DPP8: variants seen among roughly 807,000 people sequenced by gnomAD.
The protein encoded by DPP8 is dipeptidyl peptidase 8.
A neutral mutation model predicts 107.5 loss-of-function variants in DPP8; 31 were observed. The observed-to-expected ratio is 0.29, with a 90% CI of 0.22 to 0.39. The LOEUF is 0.39. DPP8 is among the 10% of genes least tolerant of loss of function. DPP8 has a pLI of 1.00. For missense variants in DPP8, 842 were observed against 1,076.1 expected (o/e 0.78, Z 3.04); for synonymous variants, 381 against 356.6 (o/e 1.07, Z -0.77).
chr15:65,449,043 A>G (rs2063768963), intron 19 of DPP8, among the ~76,000 whole-genome samples: 2 of 142,764 alleles, frequency 1.4e-5, no homozygotes, highest in Non-Finnish European at 1.5e-5. Flanking sequence ...CCCTGTCTCT[A>G]CTAAAAGTAC....
chr15:65,448,043 G>T (rs963967328), intron 19 of DPP8, among the ~76,000 whole-genome samples: 2 of 152,130 alleles, frequency 1.3e-5, no homozygotes, highest in African/African-American at 4.8e-5. Flanking sequence ...ACACTTTACT[G>T]TGACAGAGTA....
chr15:65,511,701 CCATACACACATA>C (rs1414030923), intron 2 of DPP8, among the ~76,000 whole-genome samples: 1 of 150,494 alleles, frequency 6.6e-6, no homozygotes, highest in Non-Finnish European at 1.5e-5. Context: ...TTTAATATCT[CCATACACACATA>C]CATACACACA....
intron 6 of DPP8, among the ~76,000 whole-genome samples, chr15:65,489,265 T>C (rs2067759417): frequency 6.6e-6 from 1 of 151,796 alleles, no homozygotes; most frequent in African/African-American, 2.4e-5. Context: ...AGCCAAGGTG[T>C]GGTATTTTTT....
At chr15:65,488,618 A>AAAC (rs2067678120) in intron 6 of DPP8, among the ~76,000 whole-genome samples, 1 of 151,160 alleles carries the variant, frequency 6.6e-6, no homozygotes, top group African/African-American at 2.4e-5. Context: ...AAAAAAAAAA[A>AAAC]AAAAAAAAAA....
Position 65,462,398 on chromosome 15 carries a change from T to C in DPP8, c.1971+1363A>G, listed in dbSNP as rs75531758. ...TTATTTTACTTTTTTTGTGTACAAT[T>C]TGGTATGTAGATACATTTCCAGATA... is the stretch of plus-strand genomic sequence containing the variant. On this transcript the variant is annotated intron_variant, in intron 15 of 19. Coordinates refer to ENST00000300141, the MANE Select transcript of DPP8 (RefSeq NM_130434.5). Among the ~76,000 whole-genome samples, 1,478 of 152,342 alleles carry C rather than the reference T, an allele frequency of 9.7e-3. 11 individuals carry two copies. Among genetic ancestry groups the C allele is most frequent in the Admixed American group, 0.02 (305 of 15,286 alleles).
chr15:65,497,965 C>A lies in DPP8; in HGVS notation c.614G>T (p.Cys205Phe). ...AGCAATCCAGTCTGGATCAGCAGGG[C>A]ATAATTTTGGATCCATCCGTATGTT... ...CPNIRMDPKL[C>F]PADPDWIAFI... Residue 205 changes from cysteine (C) to phenylalanine (F), a missense_variant, in exon 5 of 20, where the codon TGC becomes TTC. This residue lies in a region of DPP8 where 663 missense variants were observed against 758.0 expected (regional missense o/e 0.87). Transcript: ENST00000300141. 1 of 1,611,734 alleles carries A rather than the reference C, an allele frequency of 6.2e-7. No homozygotes were observed. The highest frequency in any genetic ancestry group is 8.5e-7 in the Non-Finnish European group (1 of 1,178,490).
rs2063493401 is a variant in DPP8 at position 65,446,236 on chromosome 15, G to A, written c.*648C>T. The stretch of plus-strand genomic sequence containing the variant: ...AGCCCACTCTGTTAATATCATCAAA[G>A]AAAAATGAGAATTATTTATACTAGA... On this transcript the variant is annotated 3_prime_UTR_variant, in exon 20 of 20. Transcript: ENST00000300141. The A allele has an allele frequency of 6.6e-6, 1 of 151,980 alleles. No homozygotes were observed. The highest frequency in any genetic ancestry group is 1.5e-5 in the Non-Finnish European group (1 of 67,980). The allele number at this position is 151,980 out of a possible 1,614,324, so 9.4% of individuals were successfully genotyped here. A position where few individuals can be genotyped will look rare whatever the true frequency, so the allele number is the denominator to read the frequency against.
At chr15:65,488,134 C>T (rs922234632) in intron 6 of DPP8, among the ~76,000 whole-genome samples, 9 of 152,044 alleles carry the variant, frequency 5.9e-5, no homozygotes, top group Non-Finnish European at 1.3e-4. Context: ...TATTTAATTA[C>T]ATGTATAATA....
Position 65,445,923 on chromosome 15 carries a change from A to G in DPP8, c.*961T>C, listed in dbSNP as rs1216370221. On this transcript the variant is annotated 3_prime_UTR_variant, in exon 20 of 20. Coordinates refer to ENST00000300141, the MANE Select transcript of DPP8 (RefSeq NM_130434.5). ...GCCCTCACCACCTCTTCTCTCTGTC[A>G]TTCCCCAAACCCAGGTCTCCCCACC... The G allele has an allele frequency of 1.3e-5, 2 of 151,970 alleles. No homozygotes were observed. The highest frequency in any genetic ancestry group is 2.9e-5 in the Non-Finnish European group (2 of 68,002). 9.4% of individuals were successfully genotyped at this position (151,970 alleles called of 1,614,324 possible). A position where few individuals can be genotyped will look rare whatever the true frequency, so the allele number is the denominator to read the frequency against.
At chr15:65,447,999 G>A (rs773496924) in intron 19 of DPP8, among the ~76,000 whole-genome samples, 4 of 152,164 alleles carry the variant, frequency 2.6e-5, no homozygotes, top group Non-Finnish European at 5.9e-5. Context: ...GAAGGCCAAT[G>A]CATGGTAAAA....
intron 15 of DPP8, among the ~76,000 whole-genome samples, chr15:65,461,115 T>C (rs959244866): frequency 6.6e-6 from 1 of 152,168 alleles, no homozygotes; most frequent in African/African-American, 2.4e-5. Context: ...TGGCTAAGCC[T>C]CTTTAAACTT....
intron 11 of DPP8, among the ~76,000 whole-genome samples, chr15:65,474,732 G>A (rs2066226907): frequency 6.6e-6 from 1 of 152,208 alleles, no homozygotes; most frequent in South Asian, 2.1e-4. Flanking sequence ...GCCTCTCAAA[G>A]TGCTGGGATT....
chr15:65,489,812 G>A (rs1023589031), intron 6 of DPP8, among the ~76,000 whole-genome samples: 2 of 151,948 alleles, frequency 1.3e-5, no homozygotes, highest in African/African-American at 4.8e-5. Context: ...CTGTCTCCTG[G>A]GTTCAGGCGA....
At chr15:65,475,472 G>T (rs984060638) in intron 11 of DPP8, 27 of 1,549,996 alleles carry the variant, frequency 1.7e-5, no homozygotes, top group Non-Finnish European at 2.7e-6. Flanking sequence ...GCAGGGCTGG[G>T]GTCCCTGTCT....
rs150805096 is a variant in DPP8, at chr15:65,512,307, T to G, written c.247A>C (p.Ile83Leu). 2.5e-6 allele frequency: 4 copies of G among 1,611,636 alleles called. No homozygotes were observed. The highest frequency in any genetic ancestry group is 2.2e-5 in the South Asian group (2 of 91,040). The change falls in exon 2 of 20, where the codon ATC (isoleucine) becomes CTC (leucine). Residue 83 changes from isoleucine (I) to leucine (L), a missense_variant. Ile to Leu is a conservative substitution (Grantham distance 5). Coordinates refer to ENST00000300141, the MANE Select transcript of DPP8 (RefSeq NM_130434.5). The stretch of plus-strand genomic sequence containing the variant: ...ACTTCGTACTCACCAAGGTAATAGA[T>G]TCTGTCTGAATGAGGTCCATCTGGA... ...NDPDGPHSDRIYYLAMSGENR... is the reference protein window; with the variant it reads ...NDPDGPHSDRLYYLAMSGENR...
chr15:65,465,227 G>C (rs1335925665), intron 14 of DPP8, among the ~76,000 whole-genome samples: 1 of 150,178 alleles, frequency 6.7e-6, no homozygotes, highest in Non-Finnish European at 1.5e-5. Flanking sequence ...GAGTGCAGTG[G>C]TGTGATCTTG....
intron 12 of DPP8, among the ~76,000 whole-genome samples, chr15:65,471,376 T>C (rs925634467): frequency 3.9e-5 from 6 of 152,108 alleles, no homozygotes; most frequent in African/African-American, 1.4e-4. Flanking sequence ...GAGGCGGGTA[T>C]CATTCTGACA....
In DPP8 at chr15:65,507,262, G is replaced by C. The variant is rs1417591098; in HGVS notation, c.353C>G (p.Pro118Arg). The change falls in exon 3 of 20, where the codon CCT (proline) becomes CGT (arginine). Residue 118 changes from proline (P) to arginine (R), a missense_variant. This residue lies in a region of DPP8 where 663 missense variants were observed against 758.0 expected (regional missense o/e 0.87). Coordinates refer to ENST00000300141, the MANE Select transcript of DPP8 (RefSeq NM_130434.5). ...RAAVLMLSWKPLLDLFQATLD... is the reference protein window; with the variant it reads ...RAAVLMLSWKRLLDLFQATLD... Reference sequence around the variant, plus strand: ...TCCTACCTGAAAAAGATCCAAAAGAGGCTTCCAAGAGAGCATTAAGACTGC... The same window carrying C: ...TCCTACCTGAAAAAGATCCAAAAGACGCTTCCAAGAGAGCATTAAGACTGC... 1.2e-6 allele frequency: 2 copies of C among 1,602,072 alleles called. No homozygotes were observed. Among genetic ancestry groups the C allele is most frequent in the Non-Finnish European group, 1.7e-6 (2 of 1,172,932 alleles).
chr15:65,465,253 C>T (rs187225972), intron 14 of DPP8, among the ~76,000 whole-genome samples: 25 of 151,008 alleles, frequency 1.7e-4, no homozygotes, highest in Admixed American at 4.6e-4. Flanking sequence ...CTGCAACCTC[C>T]ATCTCCCAGG....
Sources: allele counts gnomAD v4.1 joint callset (sites outside exome capture counted in the v4.1 genomes callset), GRCh38; gene constraint gnomAD v4.1.1; regional missense constraint gnomAD v4.1.1; transcripts MANE v1.5; gene names NCBI Gene and HGNC (gene_info 2026-07-23, HGNC 2026-07-21).